RBFOX1: variants seen among roughly 807,000 people sequenced by gnomAD.
The protein encoded by RBFOX1 is RNA binding fox-1 homolog 1, also known as RNA binding protein fox-1 homolog 1.
A neutral mutation model predicts 57.7 loss-of-function variants in RBFOX1; 8 were observed. That is an observed-to-expected ratio of 0.14 (90% CI 0.08 to 0.25). The LOEUF (loss-of-function observed/expected upper bound fraction) is 0.25, where lower values mean the gene tolerates loss of function less well. Ranked by LOEUF, RBFOX1 falls within the 10% of genes least tolerant of loss-of-function variation. The pLI, the probability that RBFOX1 is intolerant of heterozygous loss-of-function variation, is 1.00. For synonymous variants in RBFOX1, 326 were observed against 222.4 expected (o/e 1.47, Z -4.15); for missense variants, 611 against 548.5 (o/e 1.11, Z -1.14).
intron 3 of RBFOX1, among the ~76,000 whole-genome samples, chr16:6,914,786 G>T (rs1386123608): frequency 6.6e-6 from 1 of 152,146 alleles, no homozygotes; most frequent in African/African-American, 2.4e-5. Flanking sequence ...AAGCAAGGAG[G>T]CAGAAACAAC....
At chr16:7,050,588 C>A (rs150443744) in intron 3 of RBFOX1, among the ~76,000 whole-genome samples, 1 of 152,046 alleles carries the variant, frequency 6.6e-6, no homozygotes, top group African/African-American at 2.4e-5. Context: ...CTTTAATGAT[C>A]TGTTTCACTG....
chr16:7,458,702 A>G (rs2058999181), intron 4 of RBFOX1, among the ~76,000 whole-genome samples: 1 of 150,554 alleles, frequency 6.6e-6, no homozygotes, highest in South Asian at 2.1e-4. Context: ...TACCTAGTTC[A>G]CTCCCTCTCC....
chr16:6,608,802 T>G (rs1286349638), intron 2 of RBFOX1, among the ~76,000 whole-genome samples: 2 of 152,200 alleles, frequency 1.3e-5, no homozygotes, highest in African/African-American at 4.8e-5. Context: ...GTTGGTCATC[T>G]CATAGTTGTA....
At chr16:5,801,065 A>C (rs769834766) in intron 3 of RBFOX1, among the ~76,000 whole-genome samples, 1 of 152,084 alleles carries the variant, frequency 6.6e-6, no homozygotes, top group Admixed American at 6.6e-5. Flanking sequence ...ATGAAGACAC[A>C]GTTGAGTTAA....
At chr16:6,912,318 G>T (rs922021922) in intron 3 of RBFOX1, among the ~76,000 whole-genome samples, 2 of 152,088 alleles carry the variant, frequency 1.3e-5, no homozygotes, top group South Asian at 4.2e-4. Flanking sequence ...AATAGCTCTG[G>T]GGTGGAGCTC....
At chr16:7,334,800 G>A (rs1458034498) in intron 4 of RBFOX1, among the ~76,000 whole-genome samples, 1 of 152,204 alleles carries the variant, frequency 6.6e-6, no homozygotes, top group African/African-American at 2.4e-5. Flanking sequence ...CTCCTTTGCA[G>A]AGCATTTGAG....
chr16:5,510,954 C>T (rs2043562522), intron 2 of RBFOX1, among the ~76,000 whole-genome samples: 1 of 152,216 alleles, frequency 6.6e-6, no homozygotes, highest in African/African-American at 2.4e-5. Context: ...TCTGAATCAC[C>T]TGTGCCTTGT....
intron 1 of RBFOX1, among the ~76,000 whole-genome samples, chr16:5,369,550 A>G (rs530096663): frequency 6.6e-6 from 1 of 152,336 alleles, no homozygotes; most frequent in South Asian, 2.1e-4. Context: ...CCCACTTTAC[A>G]GTGAAGAAGC....
chr16:5,871,196 G>A (rs2057462152), intron 4 of RBFOX1, among the ~76,000 whole-genome samples: 1 of 152,202 alleles, frequency 6.6e-6, no homozygotes, highest in Non-Finnish European at 1.5e-5. Context: ...GTAGAGGAAA[G>A]AGCTTTATCT....
intron 4 of RBFOX1, among the ~76,000 whole-genome samples, chr16:5,949,209 C>T (rs540202645): frequency 6.6e-6 from 1 of 152,134 alleles, no homozygotes; most frequent in Non-Finnish European, 1.5e-5. Context: ...ATCTACTATA[C>T]AGCCTGTGTC....
At chr16:7,391,423 A>G (rs1400346264) in intron 4 of RBFOX1, among the ~76,000 whole-genome samples, 3 of 152,042 alleles carry the variant, frequency 2.0e-5, no homozygotes, top group African/African-American at 7.2e-5. Context: ...TTCGTTTCTC[A>G]CCGCAAGAGC....
intron 1 of RBFOX1, among the ~76,000 whole-genome samples, chr16:6,144,625 G>T (rs2096743709): frequency 6.6e-6 from 1 of 152,324 alleles, no homozygotes; most frequent in East Asian, 1.9e-4. Context: ...CACATGTCAA[G>T]GCTCACGCTG....
intron 4 of RBFOX1, among the ~76,000 whole-genome samples, chr16:6,009,810 GTGTGTC>G (rs1209830875): frequency 1.4e-5 from 2 of 143,314 alleles, no homozygotes. Context: ...GTATGTGTGT[GTGTGTC>G]TGTGTGTGTG....
At chr16:6,728,666 C>G (rs938832349) in intron 3 of RBFOX1, among the ~76,000 whole-genome samples, 14 of 152,074 alleles carry the variant, frequency 9.2e-5, no homozygotes, top group African/African-American at 3.4e-4. Context: ...CTGAATAATT[C>G]AAATAGCAAT....
chr16:7,621,792 C>G (rs1297178902), intron 10 of RBFOX1, among the ~76,000 whole-genome samples: 14 of 152,204 alleles, frequency 9.2e-5, no homozygotes, highest in Admixed American at 8.5e-4. Flanking sequence ...GTAAAGGGAT[C>G]TTAGAACACT....
chr16:6,280,826 C>T (rs1047594509), intron 1 of RBFOX1, among the ~76,000 whole-genome samples: 5 of 151,910 alleles, frequency 3.3e-5, no homozygotes, highest in Non-Finnish European at 7.4e-5. Flanking sequence ...ATCCCGAGGA[C>T]ACATACTACA....
intron 1 of RBFOX1, among the ~76,000 whole-genome samples, chr16:6,054,964 A>G (rs2095597311): frequency 6.6e-6 from 1 of 151,914 alleles, no homozygotes; most frequent in African/African-American, 2.4e-5. Flanking sequence ...TTGTATTTTT[A>G]GTAGAGACGG....
intron 3 of RBFOX1, among the ~76,000 whole-genome samples, chr16:6,904,911 C>T (rs1040548754): frequency 6.6e-5 from 10 of 152,276 alleles, no homozygotes; most frequent in African/African-American, 2.2e-4. Context: ...GTTCCCAATT[C>T]CCTCAGACAA....
intron 2 of RBFOX1, among the ~76,000 whole-genome samples, chr16:6,562,340 A>G (rs1459457101): frequency 6.6e-6 from 1 of 152,256 alleles, no homozygotes; most frequent in East Asian, 1.9e-4. Flanking sequence ...ACTAGTATTC[A>G]CTTTATAACA....
Sources: gnomAD v4.1 joint callset for allele counts (sites outside exome capture counted in the v4.1 genomes callset) on GRCh38, gnomAD v4.1.1 for gene constraint, MANE v1.5 for transcripts, NCBI Gene and HGNC (gene_info 2026-07-23, HGNC 2026-07-21) for gene names.